ANAPC11: variants seen among roughly 807,000 people sequenced by gnomAD.
ANAPC11 encodes anaphase promoting complex subunit 11, also known as anaphase-promoting complex subunit 11.
Under a neutral mutation model 11.8 loss-of-function variants are expected in ANAPC11, and 5 were observed. The ratio of observed to expected loss-of-function variants is 0.42; its 90% CI spans 0.22 to 0.89. The LOEUF (loss-of-function observed/expected upper bound fraction) is 0.89. Ranked by LOEUF, ANAPC11 falls within the 40% of genes least tolerant of loss-of-function variation. ANAPC11 has a pLI of 0.28. For missense variants in ANAPC11, 68 were observed against 112.9 expected, an observed-to-expected ratio of 0.60 and a Z score of 1.80; for synonymous variants, 45 against 41.0, an observed-to-expected ratio of 1.10 and a Z score of -0.38.
upstream of ANAPC11, chr17:81,891,037 C>A (rs2039514094): frequency 1.4e-6 from 1 of 724,096 alleles, no homozygotes; most frequent in East Asian, 2.8e-5. Flanking sequence ...TAACTTCCCG[C>A]CGCCTGTGCC....
At position 81,894,513 on chromosome 17, in the gene ANAPC11, C is replaced by A. The variant is rs1165211594; in HGVS notation, c.36C>A (p.Ala12=). 1 of 1,613,140 alleles carries A rather than the reference C, an allele frequency of 6.2e-7. No homozygotes were observed. The highest frequency in any genetic ancestry group is 8.5e-7 in the Non-Finnish European group (1 of 1,179,412). The change falls in exon 3 of 4, where the codon GCC becomes GCA. Residue 12 remains alanine, a synonymous_variant. Transcript: ENST00000344877. ...AGATTAAGTGCTGGAACGGCGTGGC[C>A]ACTTGGCTCTGGGTGGCCAACGATG... ...KVKIKCWNGV[A]TWLWVANDEN... is the part of the protein sequence containing the mutation.
upstream of ANAPC11, chr17:81,890,885 C>T: frequency 6.2e-7 from 1 of 1,607,572 alleles, no homozygotes; most frequent in Non-Finnish European, 8.5e-7. Flanking sequence ...CTGACCCTCA[C>T]GGCTACTCCG....
At chr17:81,892,148 A>G (rs1389123038) in intron 1 of ANAPC11, 1 of 152,960 alleles carries the variant, frequency 6.5e-6, no homozygotes, top group Non-Finnish European at 1.5e-5. Flanking sequence ...CCAAGTCTGC[A>G]CTGTCACATT....
upstream of ANAPC11, chr17:81,890,854 G>C (rs763411257): frequency 1.2e-6 from 2 of 1,613,776 alleles, no homozygotes; most frequent in South Asian, 2.2e-5. Flanking sequence ...GCAGATCTGT[G>C]AGTCTCAGTC....
Position 81,900,152 on chromosome 17 carries a change from C to T in ANAPC11, c.*87C>T. The stretch of plus-strand genomic sequence containing the variant: ...GGCTGCTGGGGACAGCGCCCCTGAG[C>T]TGCAACAAGGTGGAAACAAGGGCTG... On this transcript the variant is annotated 3_prime_UTR_variant, in exon 4 of 4. Transcript: ENST00000344877. 6.4e-7 allele frequency: 1 copy of T among 1,569,568 alleles called. No homozygotes were observed. Among genetic ancestry groups the T allele is most frequent in the Non-Finnish European group, 8.6e-7 (1 of 1,156,500 alleles).
intron 3 of ANAPC11, among the ~76,000 whole-genome samples, chr17:81,895,205 C>G (rs1030292575): frequency 1.3e-5 from 2 of 152,068 alleles, no homozygotes; most frequent in Non-Finnish European, 2.9e-5. Flanking sequence ...CAGGCATGTG[C>G]CACTACACCC....
chr17:81,894,445 C>T (rs201835677), intron 2 of ANAPC11, 22 bp from the exon 3 acceptor site: 62 of 1,459,266 alleles, frequency 4.2e-5, no homozygotes, highest in East Asian at 1.2e-4. Flanking sequence ...TTTAGCCAGT[C>T]GTCCTGTTCC....
In ANAPC11 at chr17:81,896,652, G is replaced by T. The variant is rs191150194; in HGVS notation, c.109+2066G>T. Among the ~76,000 whole-genome samples the T allele has an allele frequency of 5.6e-4, 85 of 152,170 alleles. 1 individual carries two copies. Among genetic ancestry groups the T allele is most frequent in the South Asian group, 3.1e-3 (15 of 4,820 alleles). ...TACTCACTACCCCAAGTAACCAGGCGTATTTTTGTAGGGCCAGGTGCATGC... is the reference window on the plus strand; with the variant it reads ...TACTCACTACCCCAAGTAACCAGGCTTATTTTTGTAGGGCCAGGTGCATGC... On this transcript the variant is annotated intron_variant, in intron 3 of 3. Coordinates refer to ENST00000344877, the MANE Select transcript of ANAPC11 (RefSeq NM_001002248.3).
upstream of ANAPC11, chr17:81,891,200 C>A (rs951519883): frequency 7.4e-4 from 610 of 823,436 alleles, no homozygotes; most frequent in Non-Finnish European, 8.9e-4. Context: ...CCCTCCGGAC[C>A]TCCGGGCGGC....
intron 3 of ANAPC11, among the ~76,000 whole-genome samples, chr17:81,895,506 C>G (rs2039710125): frequency 6.6e-6 from 1 of 152,204 alleles, no homozygotes; most frequent in South Asian, 2.1e-4. Context: ...TCTGGGCGGG[C>G]AGATCACAAG....
In ANAPC11 at chr17:81,894,523, TG is replaced by T. The variant is rs1567867689; in HGVS notation, c.49del (p.Val17TrpfsTer97). 1.2e-6 allele frequency: 2 copies of T among 1,613,198 alleles called. No homozygotes were observed. The highest frequency in any genetic ancestry group is 3.3e-5 in the Admixed American group (2 of 59,982). Reference sequence around the variant, plus strand: ...CTGGAACGGCGTGGCCACTTGGCTCTGGGTGGCCAACGATGAGAACTGTGGC... The same window carrying T: ...CTGGAACGGCGTGGCCACTTGGCTCTGGTGGCCAACGATGAGAACTGTGGC... ...KCWNGVATWLWVANDENCGIC... is the reference protein window; with the variant it reads ...KCWNGVATWLXVANDENCGIC... On this transcript the variant is annotated frameshift_variant, in exon 3 of 4. Coordinates refer to ENST00000344877, the MANE Select transcript of ANAPC11 (RefSeq NM_001002248.3). LOFTEE classifies it high-confidence loss of function.
intron 3 of ANAPC11, among the ~76,000 whole-genome samples, chr17:81,895,966 C>T (rs2039728529): frequency 6.6e-6 from 1 of 152,044 alleles, no homozygotes; most frequent in African/African-American, 2.4e-5. Context: ...TTAGTTTAAA[C>T]TTTTTATTTG....
Position 81,899,429 on chromosome 17 carries a change from T to C in ANAPC11, c.110-491T>C. 4 of 1,613,996 alleles carry C rather than the reference T, an allele frequency of 2.5e-6. No individual in the cohort carries two copies. In the South Asian group the frequency reaches 4.4e-5, roughly 18 times the overall value. ...CCCCAGACCCCACCCCTCCTGCCCT[T>C]GATCAAGAGACCAGTTCACTACTCA... On this transcript the variant is annotated intron_variant, in intron 3 of 3. Transcript: ENST00000344877.
At chr17:81,894,347 C>G in intron 2 of ANAPC11, 120 bp from the exon 3 acceptor site, 1 of 465,450 alleles carries the variant, frequency 2.1e-6, no homozygotes, top group Non-Finnish European at 3.9e-6. Context: ...TATGATCTTC[C>G]TGCCTTGGCC....
At chr17:81,890,922 G>C, upstream of ANAPC11, 2 of 1,537,038 alleles carry the variant, frequency 1.3e-6, no homozygotes, top group Non-Finnish European at 1.8e-6. Context: ...GGCCTGAGAG[G>C]ATCCGGCCGA....
chr17:81,895,899 G>A (rs1174978165), intron 3 of ANAPC11, among the ~76,000 whole-genome samples: 1 of 151,920 alleles, frequency 6.6e-6, no homozygotes, highest in Non-Finnish European at 1.5e-5. Flanking sequence ...CCTGGGAGAC[G>A]GGGGTTGCAG....
chr17:81,899,851 G>T, intron 3 of ANAPC11, 69 bp from the exon 4 acceptor site: 3 of 1,505,926 alleles, frequency 2.0e-6, no homozygotes, highest in South Asian at 1.2e-5. Context: ...CTGCACCCCT[G>T]CCTGGCTTGT....
Position 81,900,149 on chromosome 17 carries a change from G to T in ANAPC11, c.*84G>T. 1.9e-6 allele frequency: 3 copies of T among 1,574,808 alleles called. No homozygotes were observed. The highest frequency in any genetic ancestry group is 1.2e-5 in the South Asian group (1 of 86,896). Reference sequence around the variant, plus strand: ...GATGGCTGCTGGGGACAGCGCCCCTGAGCTGCAACAAGGTGGAAACAAGGG... The same window carrying T: ...GATGGCTGCTGGGGACAGCGCCCCTTAGCTGCAACAAGGTGGAAACAAGGG... On this transcript the variant is annotated 3_prime_UTR_variant, in exon 4 of 4. Coordinates refer to ENST00000344877, the MANE Select transcript of ANAPC11 (RefSeq NM_001002248.3).
intron 3 of ANAPC11, chr17:81,898,294 G>T (rs906419939): frequency 6.6e-6 from 1 of 152,252 alleles, no homozygotes; most frequent in Non-Finnish European, 1.5e-5. Flanking sequence ...TGGATTAGAG[G>T]TGGTGCTAGG....
Sources: allele counts gnomAD v4.1 joint callset (sites outside exome capture counted in the v4.1 genomes callset), GRCh38; gene constraint gnomAD v4.1.1; transcripts MANE v1.5; gene names NCBI Gene and HGNC (gene_info 2026-07-23, HGNC 2026-07-21).